The following SYNPR variants were observed in gnomAD, a reference collection of about 807,000 sequenced individuals.
The protein encoded by SYNPR is synaptoporin.
SYNPR carries 23 observed loss-of-function variants against 32.9 expected under a neutral mutation model. The observed-to-expected ratio is 0.70, with a 90% CI of 0.50 to 0.99. SYNPR has a LOEUF of 0.99. Ranked by LOEUF, SYNPR falls within the 50% of genes least tolerant of loss-of-function variation. The probability of loss-of-function intolerance (pLI) is 0.00; values close to 1 mark genes in which losing one functional copy is unlikely to be tolerated. For synonymous variants in SYNPR, 146 were observed against 135.9 expected (o/e 1.07, Z -0.52); for missense variants, 318 against 349.3 (o/e 0.91, Z 0.71).
chr3:63,328,304 G>A (rs528683449), intron 2 of SYNPR, among the ~76,000 whole-genome samples: 2 of 152,286 alleles, frequency 1.3e-5, no homozygotes, highest in East Asian at 3.9e-4. Context: ...TTCTGGGAAT[G>A]TCCAGAATCT....
chr3:63,464,677 C>T (rs1700646413), intron 2 of SYNPR, among the ~76,000 whole-genome samples: 1 of 152,164 alleles, frequency 6.6e-6, no homozygotes, highest in Admixed American at 6.6e-5. Flanking sequence ...TTGCAAGGCA[C>T]TTCCCACTTA....
chr3:63,509,795 G>A (rs529851524), intron 3 of SYNPR, among the ~76,000 whole-genome samples: 1 of 152,122 alleles, frequency 6.6e-6, no homozygotes, highest in South Asian at 2.1e-4. Flanking sequence ...AACTTAGCAT[G>A]GTATCTTGAA....
At chr3:63,416,197 G>A (rs555749131) in intron 2 of SYNPR, among the ~76,000 whole-genome samples, 1 of 152,222 alleles carries the variant, frequency 6.6e-6, no homozygotes. Flanking sequence ...GTGTGTTTAC[G>A]TGCAGTCACA....
chr3:63,449,880 G>A (rs1409044002), intron 2 of SYNPR, among the ~76,000 whole-genome samples: 1 of 152,070 alleles, frequency 6.6e-6, no homozygotes, highest in Non-Finnish European at 1.5e-5. Context: ...CCTTCAACAA[G>A]TGAATAAATG....
At chr3:63,397,572 A>G (rs565819456) in intron 2 of SYNPR, among the ~76,000 whole-genome samples, 1 of 152,266 alleles carries the variant, frequency 6.6e-6, no homozygotes, top group African/African-American at 2.4e-5. Context: ...AAACCACTAC[A>G]TTCAGCAATT....
intron 1 of SYNPR, among the ~76,000 whole-genome samples, chr3:63,251,828 A>T (rs1263869083): frequency 6.6e-6 from 1 of 151,940 alleles, no homozygotes. Flanking sequence ...TTCTATATAA[A>T]CCTCAGGTAA....
At chr3:63,403,533 A>G (rs1489635747) in intron 2 of SYNPR, among the ~76,000 whole-genome samples, 1 of 152,082 alleles carries the variant, frequency 6.6e-6, no homozygotes. Context: ...AAGTGGGTAC[A>G]TTTATTGGAT....
At chr3:63,245,392 A>G (rs1575574489) in intron 1 of SYNPR, among the ~76,000 whole-genome samples, 1 of 152,180 alleles carries the variant, frequency 6.6e-6, no homozygotes, top group East Asian at 1.9e-4. Flanking sequence ...TATTTGGTTC[A>G]TCTTCTCTTA....
chr3:63,264,621 G>C (rs1241173321), intron 2 of SYNPR, among the ~76,000 whole-genome samples: 3 of 152,192 alleles, frequency 2.0e-5, no homozygotes, highest in Non-Finnish European at 4.4e-5. Context: ...GTAAGTGGTA[G>C]CCTGACATTC....
chr3:63,464,280 G>C (rs976437393), intron 2 of SYNPR, among the ~76,000 whole-genome samples: 13 of 152,172 alleles, frequency 8.5e-5, no homozygotes, highest in Admixed American at 3.9e-4. Flanking sequence ...GGCCCTCATT[G>C]AAGAATTTAA....
chr3:63,467,303 G>A (rs1422509421), intron 2 of SYNPR, among the ~76,000 whole-genome samples: 1 of 152,190 alleles, frequency 6.6e-6, no homozygotes, highest in Non-Finnish European at 1.5e-5. Flanking sequence ...CCTGCCAGTA[G>A]TGTTCTTAAA....
chr3:63,511,137 CATGG>C (rs1701691567), intron 3 of SYNPR, among the ~76,000 whole-genome samples: 2 of 59,046 alleles, frequency 3.4e-5, no homozygotes, highest in African/African-American at 5.1e-5. Flanking sequence ...TATTGGGAAT[CATGG>C]ACCCTGAGTA....
chr3:63,481,451 A>ATGTG (rs71631157), intron 3 of SYNPR, among the ~76,000 whole-genome samples: 91 of 147,210 alleles, frequency 6.2e-4, no homozygotes, highest in African/African-American at 2.2e-3. Flanking sequence ...ATATATATAT[A>ATGTG]TGTGTGTGTG....
At chr3:63,563,376 A>G (rs564895442) in intron 4 of SYNPR, among the ~76,000 whole-genome samples, 11 of 152,332 alleles carry the variant, frequency 7.2e-5, no homozygotes, top group African/African-American at 2.6e-4. Context: ...GAAGAAAATA[A>G]CAAAGAGATA....
At chr3:63,593,453 C>T (rs9819993) in intron 4 of SYNPR, among the ~76,000 whole-genome samples, 1,704 of 152,148 alleles carry the variant, frequency 0.011, 29 homozygotes, top group African/African-American at 0.038. Flanking sequence ...AAATCAATTG[C>T]CTGTAACTGA....
intron 2 of SYNPR, among the ~76,000 whole-genome samples, chr3:63,390,496 A>T (rs1006596481): frequency 2.6e-5 from 4 of 152,208 alleles, no homozygotes; most frequent in African/African-American, 9.7e-5. Flanking sequence ...TCCTGAGGAC[A>T]CACATCTCAT....
At chr3:63,252,110 T>C (rs2086338185) in intron 1 of SYNPR, among the ~76,000 whole-genome samples, 1 of 152,052 alleles carries the variant, frequency 6.6e-6, no homozygotes, top group African/African-American at 2.4e-5. Flanking sequence ...ATCTGCAAGA[T>C]AAATTTTAAA....
chr3:63,554,536 TTC>T (rs1702561629), intron 3 of SYNPR, among the ~76,000 whole-genome samples: 1 of 152,188 alleles, frequency 6.6e-6, no homozygotes, highest in African/African-American at 2.4e-5. Context: ...ATGGTTTTAT[TTC>T]TGAGTTTTTT....
At chr3:63,593,364 A>G (rs571675114) in intron 4 of SYNPR, among the ~76,000 whole-genome samples, 1 of 152,284 alleles carries the variant, frequency 6.6e-6, no homozygotes, top group South Asian at 2.1e-4. Context: ...ACAGTATTGC[A>G]GAAAGCTATT....
Sources: allele counts gnomAD v4.1 joint callset (sites outside exome capture counted in the v4.1 genomes callset), GRCh38; gene constraint gnomAD v4.1.1; transcripts MANE v1.5; gene names NCBI Gene and HGNC (gene_info 2026-07-23, HGNC 2026-07-21).